SAMTOR: variants seen among roughly 807,000 people sequenced by gnomAD.
The protein encoded by SAMTOR is S-adenosylmethionine sensor upstream of mTORC1.
the SAMTOR span, among the ~76,000 whole-genome samples, chr7:112,863,200 A>G: frequency 6.6e-6 from 1 of 152,246 alleles, no homozygotes; most frequent in Non-Finnish European, 1.5e-5. Flanking sequence ...TTCTCTATTC[A>G]ATAAATGGTG....
the SAMTOR span, among the ~76,000 whole-genome samples, chr7:112,866,476 G>A: frequency 3.9e-5 from 6 of 152,188 alleles, no homozygotes; most frequent in African/African-American, 1.2e-4. Context: ...GCCTTTGGCC[G>A]ACCCACAGCT....
chr7:112,859,415 A>G, the SAMTOR span, among the ~76,000 whole-genome samples: 1 of 152,328 alleles, frequency 6.6e-6, no homozygotes, highest in East Asian at 1.9e-4. Context: ...AGTCTTGGAA[A>G]AGTAAAGCAC....
chr7:112,939,093 C>A, the SAMTOR span: 3 of 156,600 alleles, frequency 1.9e-5, no homozygotes, highest in South Asian at 5.4e-4. Flanking sequence ...GAGGAAGGCT[C>A]GGCATGGTTG....
chr7:112,932,561 C>T, the SAMTOR span, among the ~76,000 whole-genome samples: 1 of 152,108 alleles, frequency 6.6e-6, no homozygotes, highest in Non-Finnish European at 1.5e-5. Context: ...ATCTACAAGG[C>T]CTGGTGCTAT....
chr7:112,832,225 G>T, the SAMTOR span, among the ~76,000 whole-genome samples: 1 of 151,918 alleles, frequency 6.6e-6, no homozygotes, highest in Non-Finnish European at 1.5e-5. Flanking sequence ...ATGTTGGCCA[G>T]GCTGGTCTCA....
chr7:112,822,000 A>T, the SAMTOR span: 3 of 1,613,658 alleles, frequency 1.9e-6, no homozygotes, highest in South Asian at 2.2e-5. Context: ...TTTTAGAGAG[A>T]TTTTCCTAAA....
the SAMTOR span, among the ~76,000 whole-genome samples, chr7:112,922,238 G>A: frequency 2.1e-4 from 32 of 152,334 alleles, no homozygotes; most frequent in East Asian, 5.2e-3. Flanking sequence ...GATTGCAGAC[G>A]GAGTCTCATT....
chr7:112,869,387 C>G, the SAMTOR span, among the ~76,000 whole-genome samples: 1 of 151,984 alleles, frequency 6.6e-6, no homozygotes, highest in East Asian at 1.9e-4. Flanking sequence ...TACTGGACGG[C>G]AGCCTGAATT....
the SAMTOR span, among the ~76,000 whole-genome samples, chr7:112,825,687 G>A: frequency 4.6e-5 from 7 of 152,178 alleles, no homozygotes; most frequent in East Asian, 1.2e-3. Flanking sequence ...TTGCTTTACT[G>A]AATTGTTAGA....
the SAMTOR span, among the ~76,000 whole-genome samples, chr7:112,859,191 G>A: frequency 1.3e-5 from 2 of 152,096 alleles, no homozygotes; most frequent in Non-Finnish European, 2.9e-5. Flanking sequence ...CAGCCCCCAC[G>A]ATTCATGTGC....
the SAMTOR span, among the ~76,000 whole-genome samples, chr7:112,863,135 C>T: frequency 6.6e-6 from 1 of 152,166 alleles, no homozygotes; most frequent in South Asian, 2.1e-4. Context: ...AGATCACACA[C>T]CTACAAGCAT....
the SAMTOR span, chr7:112,939,204 T>C: frequency 3.3e-4 from 69 of 208,364 alleles, no homozygotes; most frequent in African/African-American, 1.3e-3. Context: ...TTTCGTCTTT[T>C]ACAAATGGAT....
the SAMTOR span, among the ~76,000 whole-genome samples, chr7:112,908,061 C>T: frequency 6.6e-6 from 1 of 152,036 alleles, no homozygotes; most frequent in Non-Finnish European, 1.5e-5. Flanking sequence ...TTTGTAGTAG[C>T]AAAAGCTTGT....
the SAMTOR span, among the ~76,000 whole-genome samples, chr7:112,894,062 G>GT: frequency 1.3e-5 from 2 of 152,068 alleles, no homozygotes; most frequent in African/African-American, 4.8e-5. Flanking sequence ...AGTCAGAGGA[G>GT]TGCCTCTTTT....
At chr7:112,913,213 T>C in the SAMTOR span, among the ~76,000 whole-genome samples, 1 of 152,212 alleles carries the variant, frequency 6.6e-6, no homozygotes, top group Admixed American at 6.5e-5. Flanking sequence ...CACCTTTCTT[T>C]AGTTCCTTAA....
chr7:112,907,781 T>A, the SAMTOR span, among the ~76,000 whole-genome samples: 1 of 151,932 alleles, frequency 6.6e-6, no homozygotes, highest in Non-Finnish European at 1.5e-5. Flanking sequence ...CGGAGAAAAA[T>A]TCAATAGCTG....
At chr7:112,916,548 G>C in the SAMTOR span, among the ~76,000 whole-genome samples, 2 of 152,208 alleles carry the variant, frequency 1.3e-5, no homozygotes, top group South Asian at 4.1e-4. Context: ...ATTTCCATCT[G>C]AGGTACCGGG....
the SAMTOR span, among the ~76,000 whole-genome samples, chr7:112,916,626 G>A: frequency 2.6e-5 from 4 of 152,176 alleles, no homozygotes; most frequent in Non-Finnish European, 2.9e-5. Flanking sequence ...TGTGGGAGCC[G>A]AAGTGGGGCG....
chr7:112,821,724 A>G, the SAMTOR span: 32 of 1,560,674 alleles, frequency 2.1e-5, no homozygotes, highest in Non-Finnish European at 2.6e-5. Context: ...CTGGACTGAA[A>G]GGGGCTTTTT....
Sources: allele counts gnomAD v4.1 joint callset (sites outside exome capture counted in the v4.1 genomes callset), GRCh38; gene constraint gnomAD v4.1.1; transcripts MANE v1.5; gene names NCBI Gene and HGNC (gene_info 2026-07-23, HGNC 2026-07-21).